The following RARS2 variants were observed in gnomAD, a reference collection of about 807,000 sequenced individuals.
RARS2 encodes probable arginine--tRNA ligase, mitochondrial.
RARS2 carries 67 observed loss-of-function variants against 88.5 expected under a neutral mutation model. That is an observed-to-expected ratio of 0.76 (90% CI 0.62 to 0.93). The LOEUF is 0.93. Ranked by LOEUF, RARS2 falls within the 40% of genes least tolerant of loss-of-function variation. RARS2 has a pLI of 0.00. For missense variants in RARS2, 664 were observed against 684.2 expected, an observed-to-expected ratio of 0.97 and a Z score of 0.33; for synonymous variants, 239 against 230.3, an observed-to-expected ratio of 1.04 and a Z score of -0.34.
chr6:87,533,679 C>T (rs557011790), intron 8 of RARS2, among the ~76,000 whole-genome samples: 1 of 152,186 alleles, frequency 6.6e-6, no homozygotes, highest in Admixed American at 6.5e-5. Context: ...AATTAACATT[C>T]CCTTTTCACT....
rs17850652 is a variant in RARS2, at chr6:87,529,548, T to C, written c.872A>G (p.Lys291Arg). ...AATAGTAACCTGATCATACATTGTT[T>C]TCAGTAGGAGTCCTTTACTCTCCAG... ...KLLESKGLLL[K>R]TIKGTAVVDL... is the part of the protein sequence containing the mutation. The change falls in exon 10 of 20, where the codon AAA becomes AGA. Residue 291 changes from lysine (K) to arginine (R), a missense_variant. Transcript: ENST00000369536. 123,480 of 1,555,026 alleles carry C rather than the reference T, an allele frequency of 0.079. 5,139 individuals are homozygous for C. The highest frequency in any genetic ancestry group is 0.12 in the African/African-American group (8,815 of 73,610).
chr6:87,537,354 T>C (rs1458602909), intron 8 of RARS2, among the ~76,000 whole-genome samples: 1 of 152,226 alleles, frequency 6.6e-6, no homozygotes, highest in Non-Finnish European at 1.5e-5. Flanking sequence ...TGTGGGGACA[T>C]TCACTGCATA....
chr6:87,562,634 G>C, intron 4 of RARS2, 68 bp downstream of exon 4: 1 of 1,210,816 alleles, frequency 8.3e-7, no homozygotes, highest in Admixed American at 1.7e-5. Context: ...TTAAAAACTG[G>C]AGGAAGACCA....
At chr6:87,559,848 A>T (rs78975491) in intron 4 of RARS2, among the ~76,000 whole-genome samples, 1 of 152,182 alleles carries the variant, frequency 6.6e-6, no homozygotes, top group African/African-American at 2.4e-5. Context: ...AGCTCCATTC[A>T]TGGTAAATAC....
At chr6:87,563,629 A>C (rs1283875742) in intron 3 of RARS2, among the ~76,000 whole-genome samples, 1 of 152,234 alleles carries the variant, frequency 6.6e-6, no homozygotes, top group Non-Finnish European at 1.5e-5. Context: ...AATTCCTTGC[A>C]ATCCTTTCAA....
chr6:87,514,355 C>T lies in RARS2; in HGVS notation c.*58G>A. On this transcript the variant is annotated 3_prime_UTR_variant, in exon 20 of 20. Coordinates refer to ENST00000369536, the MANE Select transcript of RARS2 (RefSeq NM_020320.5). ...TTTAAATTTATTCTGAACAGCAAGG[C>T]ATCTCAGAATAGATAACTAGAATTC... 1.7e-6 allele frequency: 2 copies of T among 1,163,504 alleles called. No homozygotes were observed. The highest frequency in any genetic ancestry group is 2.6e-6 in the Non-Finnish European group (2 of 773,680). 72.1% of individuals were successfully genotyped at this position (1,163,504 alleles called of 1,614,324 possible).
intron 10 of RARS2, among the ~76,000 whole-genome samples, chr6:87,529,143 T>C (rs957430233): frequency 6.6e-6 from 1 of 152,230 alleles, no homozygotes; most frequent in African/African-American, 2.4e-5. Flanking sequence ...TTTATAAGCC[T>C]GTTATAGTAT....
Position 87,562,720 on chromosome 6 carries a change from G to C in RARS2, c.279C>G (p.Asn93Lys), listed in dbSNP as rs1377641024. The change falls in exon 4 of 20, where the codon AAC becomes AAG. Residue 93 changes from asparagine to lysine, a missense_variant. Asn to Lys is a moderately conservative substitution (Grantham distance 94, BLOSUM62 0). Transcript: ENST00000369536. The part of the protein sequence containing the change: ...TGQRTVNFKI[N>K]RELLTKTVLQ... Reference sequence around the variant, plus strand: ...TTCTTACCTTTGTTAAGAGCTCTCTGTTTATTTTGAAATTTACAGTCCTTT... The same window carrying C: ...TTCTTACCTTTGTTAAGAGCTCTCTCTTTATTTTGAAATTTACAGTCCTTT... 1 of 1,611,026 alleles carries C rather than the reference G, an allele frequency of 6.2e-7. No individual in the cohort carries two copies. Among genetic ancestry groups the C allele is most frequent in the Non-Finnish European group, 8.5e-7 (1 of 1,177,194 alleles).
intron 8 of RARS2, among the ~76,000 whole-genome samples, chr6:87,533,800 G>A (rs963175751): frequency 6.6e-6 from 1 of 152,168 alleles, no homozygotes; most frequent in African/African-American, 2.4e-5. Flanking sequence ...AACTAAGCAT[G>A]AAAATTAAAA....
intron 1 of RARS2, chr6:87,584,607 C>T: frequency 2.7e-6 from 1 of 366,414 alleles, no homozygotes. Context: ...AATTCTAATC[C>T]TTCCCACCAT....
In RARS2 at chr6:87,589,922, C is replaced by G. The variant is rs1400563423; in HGVS notation, c.36G>C (p.Gln12His). ...CCTCTGCGCGCTCCGGGATCCATAC[C>G]TGGCAAGCAATAGCGCGGCGAAAGC... ...ACGFRRAIAC[Q>H]LSRVLNLPPE... Residue 12 changes from glutamine (Q) to histidine (H), a missense_variant and splice_region_variant, in exon 1 of 20, where the codon CAG (glutamine) becomes CAC (histidine). Physicochemically the swap from Gln to His is conservative, Grantham distance 24. Coordinates refer to ENST00000369536, the MANE Select transcript of RARS2 (RefSeq NM_020320.5). 4 of 1,614,210 alleles carry G rather than the reference C, an allele frequency of 2.5e-6. No homozygotes were observed. The highest frequency in any genetic ancestry group is 1.1e-5 in the South Asian group (1 of 91,088).
chr6:87,541,071 T>C (rs566014245), intron 8 of RARS2, among the ~76,000 whole-genome samples: 8 of 93,160 alleles, frequency 8.6e-5, no homozygotes, highest in Non-Finnish European at 1.4e-4. Flanking sequence ...CTTGCATGTT[T>C]ATTCTAAAAG....
chr6:87,567,645 CT>C (rs758741729), intron 2 of RARS2, among the ~76,000 whole-genome samples: 2 of 152,198 alleles, frequency 1.3e-5, no homozygotes, highest in Non-Finnish European at 2.9e-5. Context: ...TAGTTACATA[CT>C]GTAAAGGAAA....
At chr6:87,549,612 T>G (rs1783746069) in intron 5 of RARS2, among the ~76,000 whole-genome samples, 1 of 151,740 alleles carries the variant, frequency 6.6e-6, no homozygotes, top group Non-Finnish European at 1.5e-5. Flanking sequence ...AATCAGAATG[T>G]GGCTCACCAC....
chr6:87,516,462 A>G (rs1771773627), intron 18 of RARS2, among the ~76,000 whole-genome samples: 1 of 152,058 alleles, frequency 6.6e-6, no homozygotes, highest in African/African-American at 2.4e-5. Context: ...TCCCAGCCAC[A>G]TTCCTTCTGA....
intron 4 of RARS2, among the ~76,000 whole-genome samples, chr6:87,557,037 G>T (rs898376375): frequency 6.6e-6 from 1 of 151,428 alleles, no homozygotes; most frequent in Non-Finnish European, 1.5e-5. Flanking sequence ...GTCTCTAAAT[G>T]GAACAGGCAG....
chr6:87,518,583 T>C, intron 16 of RARS2, 47 bp downstream of exon 16: 3 of 1,548,496 alleles, frequency 1.9e-6, no homozygotes, highest in Non-Finnish European at 2.7e-6. Flanking sequence ...GGACCTAGCC[T>C]AAGTAAGCAC....
chr6:87,544,262 A>G (rs898533512), intron 7 of RARS2, among the ~76,000 whole-genome samples: 4 of 152,248 alleles, frequency 2.6e-5, no homozygotes, highest in South Asian at 2.1e-4. Flanking sequence ...GCTGTTGTGA[A>G]CTACAGGTTG....
rs138201921 is a variant in RARS2 at position 87,579,762 on chromosome 6, C to G, written c.36+10160G>C. On this transcript the variant is annotated intron_variant, in intron 1 of 19. Transcript: ENST00000369536. ...TTTTTTTTTGAGACAGAGTCTCGCT[C>G]TGTCGCCAGGCTGGAGTGCAGTGAT... Among the ~76,000 whole-genome samples, 179 of 109,480 alleles carry G rather than the reference C, an allele frequency of 1.6e-3. 1 individual carries two copies. In the East Asian group the frequency reaches 0.048, roughly 30 times the overall value. The allele number at this position is 109,480 out of a possible 152,430, so 71.8% of individuals were successfully genotyped here.
Sources: gnomAD v4.1 joint callset for allele counts (sites outside exome capture counted in the v4.1 genomes callset) on GRCh38, gnomAD v4.1.1 for gene constraint, MANE v1.5 for transcripts, NCBI Gene and HGNC (gene_info 2026-07-23, HGNC 2026-07-21) for gene names.